NDST4: variants seen among roughly 807,000 people sequenced by gnomAD.
NDST4 encodes N-heparan sulfate sulfotransferase 4.
NDST4 carries 63 observed loss-of-function variants against 100.8 expected under a neutral mutation model. That is an observed-to-expected ratio of 0.62 (90% CI 0.51 to 0.77). The LOEUF (loss-of-function observed/expected upper bound fraction) is 0.77. Among genes scored for constraint, NDST4 ranks in the 30% least tolerant of loss-of-function variants. The pLI, the probability that NDST4 is intolerant of heterozygous loss-of-function variation, is 0.00. For synonymous variants in NDST4, 377 were observed against 361.8 expected, an observed-to-expected ratio of 1.04 and a Z score of -0.48; for missense variants, 943 against 1,018.4, an observed-to-expected ratio of 0.93 and a Z score of 1.01.
chr4:114,955,392 C>T (rs1024125590), intron 4 of NDST4, among the ~76,000 whole-genome samples: 2 of 152,106 alleles, frequency 1.3e-5, no homozygotes, highest in Admixed American at 1.3e-4. Context: ...CAGAGGGGAG[C>T]TTACAGCATG....
chr4:115,058,655 A>AC (rs1274754637), intron 2 of NDST4, among the ~76,000 whole-genome samples: 1 of 152,226 alleles, frequency 6.6e-6, no homozygotes, highest in East Asian at 1.9e-4. Flanking sequence ...TCTATAGAAC[A>AC]CAATGCTTTG....
Position 115,105,348 on chromosome 4 carries a change from A to T in NDST4, c.-247+8096T>A, listed in dbSNP as rs139628638. Among the ~76,000 whole-genome samples the T allele has an allele frequency of 4.6e-3, 703 of 152,256 alleles. 7 individuals carry two copies. The highest frequency in any genetic ancestry group is 0.015 in the African/African-American group (636 of 41,570). On this transcript the variant is annotated intron_variant, in intron 1 of 13. Coordinates refer to ENST00000264363, the MANE Select transcript of NDST4 (RefSeq NM_022569.3). ...TAGTAAAATAATATGTTTACAATAA[A>T]AAACAAACTTTCACTTACTCAAGAA...
At chr4:115,074,844 C>A (rs1729147577) in intron 2 of NDST4, among the ~76,000 whole-genome samples, 1 of 152,128 alleles carries the variant, frequency 6.6e-6, no homozygotes, top group South Asian at 2.1e-4. Context: ...TCTTAACACT[C>A]TTTGATTCCT....
intron 6 of NDST4, among the ~76,000 whole-genome samples, chr4:114,924,654 A>C (rs1172269718): frequency 6.6e-6 from 1 of 152,148 alleles, no homozygotes; most frequent in Non-Finnish European, 1.5e-5. Flanking sequence ...AAAAGTTACA[A>C]GTTAATTTCT....
At chr4:114,830,810 T>C (rs140533096) in intron 12 of NDST4, among the ~76,000 whole-genome samples, 1 of 152,336 alleles carries the variant, frequency 6.6e-6, no homozygotes, top group Non-Finnish European at 1.5e-5. Flanking sequence ...GTTAATTAGT[T>C]GCAGAATATT....
At chr4:114,885,392 T>C (rs1350143106) in intron 6 of NDST4, among the ~76,000 whole-genome samples, 2 of 152,124 alleles carry the variant, frequency 1.3e-5, no homozygotes, top group Non-Finnish European at 2.9e-5. Context: ...CATTTGGACA[T>C]GGTAACTCAA....
chr4:114,937,861 T>C (rs1053095929), intron 4 of NDST4, among the ~76,000 whole-genome samples: 4 of 140,636 alleles, frequency 2.8e-5, no homozygotes, highest in African/African-American at 7.8e-5. Context: ...TGAAAGGGCA[T>C]AGAATGCGTG....
chr4:115,007,350 T>A (rs1336402818), intron 2 of NDST4, among the ~76,000 whole-genome samples: 1 of 152,140 alleles, frequency 6.6e-6, no homozygotes, highest in African/African-American at 2.4e-5. Context: ...CATGTAAATA[T>A]GACTGGGAAA....
intron 2 of NDST4, among the ~76,000 whole-genome samples, chr4:114,991,385 G>A (rs1030389678): frequency 6.6e-6 from 1 of 152,060 alleles, no homozygotes; most frequent in African/African-American, 2.4e-5. Flanking sequence ...ATGGGGTGAA[G>A]AGAACAAATG....
chr4:114,939,813 C>A (rs1725709851), intron 4 of NDST4, among the ~76,000 whole-genome samples: 2 of 152,064 alleles, frequency 1.3e-5, no homozygotes, highest in Admixed American at 6.6e-5. Context: ...ATCACACTGG[C>A]AACTGGAGCT....
intron 6 of NDST4, among the ~76,000 whole-genome samples, chr4:114,921,475 C>A (rs994534493): frequency 2.6e-5 from 4 of 152,150 alleles, no homozygotes; most frequent in African/African-American, 9.7e-5. Context: ...AAACCCAGCA[C>A]TCATGGGCTT....
chr4:115,030,989 A>G (rs532664291), intron 2 of NDST4, among the ~76,000 whole-genome samples: 2 of 152,102 alleles, frequency 1.3e-5, no homozygotes, highest in African/African-American at 4.8e-5. Context: ...TTCTCTTACA[A>G]TGTCATCACC....
chr4:115,010,330 T>A (rs1298516597), intron 2 of NDST4, among the ~76,000 whole-genome samples: 1 of 127,542 alleles, frequency 7.8e-6, no homozygotes, highest in Non-Finnish European at 1.7e-5. Context: ...ATGTGGCACA[T>A]ATACACCATG....
chr4:114,998,695 T>G (rs1727217563), intron 2 of NDST4, among the ~76,000 whole-genome samples: 1 of 152,090 alleles, frequency 6.6e-6, no homozygotes, highest in South Asian at 2.1e-4. Flanking sequence ...AGAGTTTCCT[T>G]TTTTAATATG....
chr4:114,862,335 C>T (rs1723935492), intron 7 of NDST4, among the ~76,000 whole-genome samples: 1 of 152,166 alleles, frequency 6.6e-6, no homozygotes, highest in Admixed American at 6.5e-5. Flanking sequence ...CTCATATTAT[C>T]ATATAACTAT....
intron 6 of NDST4, among the ~76,000 whole-genome samples, chr4:114,876,256 C>G (rs938885947): frequency 3.0e-4 from 45 of 152,162 alleles, no homozygotes; most frequent in East Asian, 2.9e-3. Context: ...GATAGCGTGC[C>G]CCTTTTCAGA....
intron 2 of NDST4, among the ~76,000 whole-genome samples, chr4:114,988,422 C>T (rs965498753): frequency 8.0e-5 from 10 of 124,376 alleles, no homozygotes; most frequent in African/African-American, 1.6e-4. Flanking sequence ...AGTGCAGTGG[C>T]GCAATCTTGG....
intron 1 of NDST4, among the ~76,000 whole-genome samples, chr4:115,086,156 A>C (rs1422167116): frequency 2.0e-5 from 3 of 152,156 alleles, no homozygotes; most frequent in Non-Finnish European, 4.4e-5. Flanking sequence ...GGTTTTGGAA[A>C]ATATCCAATA....
At chr4:115,052,378 G>A (rs557445189) in intron 2 of NDST4, among the ~76,000 whole-genome samples, 1 of 152,090 alleles carries the variant, frequency 6.6e-6, no homozygotes, top group African/African-American at 2.4e-5. Flanking sequence ...CTTGTAGTTT[G>A]TCAGGATAAA....
Sources: gnomAD v4.1 joint callset for allele counts (sites outside exome capture counted in the v4.1 genomes callset) on GRCh38, gnomAD v4.1.1 for gene constraint, MANE v1.5 for transcripts, NCBI Gene and HGNC (gene_info 2026-07-23, HGNC 2026-07-21) for gene names.